Variants in OC90 observed in about 807,000 individuals in gnomAD.
OC90 encodes the protein otoconin-90.
In OC90, 46 loss-of-function variants were observed where a neutral mutation model predicts 47.3. That is an observed-to-expected ratio of 0.97 (90% CI 0.77 to 1.24). OC90 has a LOEUF of 1.24. Among genes scored for constraint, OC90 ranks in the 50% most tolerant of loss-of-function variants. The probability of loss-of-function intolerance (pLI) is 0.00; values close to 1 mark genes in which losing one functional copy is unlikely to be tolerated. For synonymous variants in OC90, 271 were observed against 219.5 expected (o/e 1.23, Z -2.07); for missense variants, 688 against 583.9 (o/e 1.18, Z -1.84).
chr8:132,033,058 A>G lies in OC90; in HGVS notation c.840T>C (p.Pro280=). The G allele has an allele frequency of 1.2e-6, 2 of 1,610,234 alleles. 1 individual carries two copies. The highest frequency in any genetic ancestry group is 2.2e-5 in the South Asian group (2 of 89,782). Residue 280 remains proline (P), a synonymous_variant, in exon 11 of 14, where the codon CCT becomes CCC. Coordinates refer to ENST00000254627, the MANE Select transcript of OC90 (RefSeq NM_001080399.3). ...GCTCACCTTTTTCAGTGGTCTCCTC[A>G]GGATCATTTTCAACAGATGACACTG... is the stretch of plus-strand genomic sequence containing the variant. ...GLAVSSVEND[P]EETTEKACDR...
chr8:132,031,745 G>T, intron 12 of OC90, 136 bp downstream of exon 12: 1 of 674,352 alleles, frequency 1.5e-6, no homozygotes, highest in Non-Finnish European at 2.5e-6. Flanking sequence ...AGAGCCACCT[G>T]AGTGAGCTGC....
At chr8:132,040,643 G>A (rs1424573602) in intron 6 of OC90, among the ~76,000 whole-genome samples, 12 of 152,126 alleles carry the variant, frequency 7.9e-5, no homozygotes. Flanking sequence ...CATTTCACAA[G>A]CATTGTGTAA....
intron 9 of OC90, chr8:132,036,233 TC>T (rs1364852127): frequency 3.2e-6 from 2 of 628,686 alleles, no homozygotes. Flanking sequence ...TCCTACATAT[TC>T]TGTAAAATGG....
At position 132,027,395 on chromosome 8, in the gene OC90, C is replaced by T. The variant is rs984122510; in HGVS notation, c.1138+1678G>A. ...CTGGGATGTGACAGACATACCTGAT[C>T]GTACAAGGCAAGATAATATGGCAGT... On this transcript the variant is annotated intron_variant, in intron 13 of 13. Coordinates refer to ENST00000254627, the MANE Select transcript of OC90 (RefSeq NM_001080399.3). 3.9e-5 allele frequency among the ~76,000 whole-genome samples: 6 copies of T among 152,062 alleles called. No homozygotes were observed. The South Asian group carries it at 6.2e-4, about 16-fold the overall frequency.
In OC90 at chr8:132,034,841, C is replaced by T. The variant is rs1822933364; in HGVS notation, c.680-7G>A. ...TCCTGATCGTGGCCTGCTTCTGTTCCCCAAAGAAGAGAGACAGCATGAGCA... is the reference window on the plus strand; with the variant it reads ...TCCTGATCGTGGCCTGCTTCTGTTCTCCAAAGAAGAGAGACAGCATGAGCA... On this transcript the variant is annotated splice_polypyrimidine_tract_variant and splice_region_variant and intron_variant, in intron 9 of 13. Transcript: ENST00000254627. The T allele has an allele frequency of 2.5e-6, 4 of 1,611,114 alleles. No individual in the cohort carries two copies. The highest frequency in any genetic ancestry group is 3.4e-6 in the Non-Finnish European group (4 of 1,177,858).
chr8:132,052,151 C>A (rs926764894), intron 2 of OC90, among the ~76,000 whole-genome samples: 6 of 152,032 alleles, frequency 3.9e-5, no homozygotes, highest in Admixed American at 3.3e-4. Flanking sequence ...GCCAGGTTTG[C>A]GGAATGGTTC....
Position 132,028,706 on chromosome 8 carries a change from C to G in OC90, c.1138+367G>C, listed in dbSNP as rs201134656. On this transcript the variant is annotated intron_variant, in intron 13 of 13. Transcript: ENST00000254627. ...AGAAAGAGAAAGAAAGAAAGAGAGA[C>G]AGAAAGAAAGAAAGAAAGAGAAAGA... Among the ~76,000 whole-genome samples the G allele has an allele frequency of 8.0e-3, 907 of 112,950 alleles. 18 individuals carry two copies. Among genetic ancestry groups the G allele is most frequent in the Middle Eastern group, 0.032 (6 of 186 alleles). The allele number at this position is 112,950 out of a possible 152,430, so 74.1% of individuals were successfully genotyped here. A position where few individuals can be genotyped will look rare whatever the true frequency, so the allele number is the denominator to read the frequency against.
intron 13 of OC90, among the ~76,000 whole-genome samples, chr8:132,026,641 C>T (rs906727450): frequency 1.4e-4 from 21 of 152,176 alleles, no homozygotes; most frequent in African/African-American, 5.1e-4. Flanking sequence ...AGGGTCAGAA[C>T]TGGTTTACTG....
intron 13 of OC90, among the ~76,000 whole-genome samples, chr8:132,027,749 T>C (rs942703426): frequency 6.6e-6 from 1 of 152,110 alleles, no homozygotes; most frequent in Non-Finnish European, 1.5e-5. Context: ...GTTTCTACCA[T>C]AGAGAGGAGT....
intron 4 of OC90, among the ~76,000 whole-genome samples, chr8:132,043,994 G>A (rs758226095): frequency 2.6e-5 from 4 of 152,096 alleles, no homozygotes; most frequent in Non-Finnish European, 5.9e-5. Context: ...TGATAAATGG[G>A]ATCTTTGACA....
At chr8:132,037,136 A>G (rs1822980202) in intron 9 of OC90, among the ~76,000 whole-genome samples, 1 of 152,264 alleles carries the variant, frequency 6.6e-6, no homozygotes, top group African/African-American at 2.4e-5. Flanking sequence ...ACAGTAGCAG[A>G]GCTGAGCAAC....
intron 1 of OC90, among the ~76,000 whole-genome samples, chr8:132,056,806 G>T (rs1440067851): frequency 6.6e-6 from 1 of 152,124 alleles, no homozygotes; most frequent in African/African-American, 2.4e-5. Flanking sequence ...CACATGAATG[G>T]GTCCAACATG....
At chr8:132,037,557 A>C in intron 8 of OC90, 69 bp from the exon 9 acceptor site, 67 of 1,390,872 alleles carry the variant, frequency 4.8e-5, no homozygotes, top group Middle Eastern at 1.8e-4. Flanking sequence ...ACAGGGTCTC[A>C]AAGGAAAACA....
chr8:132,052,011 A>C (rs1309027070), intron 2 of OC90, among the ~76,000 whole-genome samples: 1 of 151,340 alleles, frequency 6.6e-6, no homozygotes, highest in East Asian at 1.9e-4. Context: ...TGTGGTTTGA[A>C]GGTGAAAGGA....
intron 4 of OC90, 112 bp downstream of exon 4, chr8:132,044,321 T>G (rs1823101540): frequency 1.5e-6 from 1 of 670,216 alleles, no homozygotes; most frequent in Admixed American, 2.5e-5. Flanking sequence ...GAGGTAGCTG[T>G]GGAGGCCATG....
intron 2 of OC90, 65 bp downstream of exon 2, chr8:132,054,916 G>C: frequency 8.5e-7 from 1 of 1,178,140 alleles, no homozygotes; most frequent in South Asian, 1.6e-5. Context: ...CTGTTGAAGG[G>C]ACAGTATTCA....
At position 132,057,320 on chromosome 8, in the gene OC90, CAT is replaced by C. The variant is rs534084541; in HGVS notation, c.-48+2019_-48+2020del. Among the ~76,000 whole-genome samples, 718 of 152,236 alleles carry C rather than the reference CAT, an allele frequency of 4.7e-3. 1 individual carries two copies. The highest frequency in any genetic ancestry group is 5.7e-3 in the Non-Finnish European group (388 of 68,026). ...GGATCTCTGTTTTTCTTTTGTGACA[CAT>C]GTTTCAGGGGTGCATTCCCCTGGGG... is the stretch of plus-strand genomic sequence containing the variant. On this transcript the variant is annotated intron_variant, in intron 1 of 13. Transcript: ENST00000254627.
At chr8:132,033,712 C>A (rs985788670) in intron 10 of OC90, among the ~76,000 whole-genome samples, 1 of 152,160 alleles carries the variant, frequency 6.6e-6, no homozygotes. Context: ...CATCTCTTAC[C>A]GCCTGCCTGA....
chr8:132,026,641 C>G (rs906727450), intron 13 of OC90, among the ~76,000 whole-genome samples: 1 of 152,176 alleles, frequency 6.6e-6, no homozygotes, highest in Non-Finnish European at 1.5e-5. Flanking sequence ...AGGGTCAGAA[C>G]TGGTTTACTG....
Sources: gnomAD v4.1 joint callset for allele counts (sites outside exome capture counted in the v4.1 genomes callset) on GRCh38, gnomAD v4.1.1 for gene constraint, MANE v1.5 for transcripts, NCBI Gene and HGNC (gene_info 2026-07-23, HGNC 2026-07-21) for gene names.